Variants in EPHA6 observed in about 807,000 individuals in gnomAD.
EPHA6 encodes the protein EPH receptor A6, also known as ephrin type-A receptor 6.
EPHA6 carries 50 observed loss-of-function variants against 112.0 expected under a neutral mutation model. The ratio of observed to expected loss-of-function variants is 0.45; its 90% CI spans 0.36 to 0.56. The LOEUF (loss-of-function observed/expected upper bound fraction) is 0.56, where lower values mean the gene tolerates loss of function less well. EPHA6 is among the 20% of genes least tolerant of loss of function. The probability of loss-of-function intolerance (pLI) is 0.00; values close to 1 mark genes in which losing one functional copy is unlikely to be tolerated. For missense variants in EPHA6, 1,280 were observed against 1,417.4 expected, an observed-to-expected ratio of 0.90 and a Z score of 1.56; for synonymous variants, 529 against 490.7, an observed-to-expected ratio of 1.08 and a Z score of -1.03.
intron 6 of EPHA6, among the ~76,000 whole-genome samples, chr3:97,415,942 C>A (rs2088088657): frequency 6.6e-6 from 1 of 151,926 alleles, no homozygotes; most frequent in Non-Finnish European, 1.5e-5. Flanking sequence ...AGAAAAAAAT[C>A]TAATTTTGTA....
chr3:97,047,954 CTACTT>C (rs1310377889), intron 3 of EPHA6, among the ~76,000 whole-genome samples: 4 of 152,038 alleles, frequency 2.6e-5, no homozygotes, highest in Admixed American at 2.6e-4. Context: ...GGATCAATGT[CTACTT>C]TAATAGAATT....
intron 2 of EPHA6, among the ~76,000 whole-genome samples, chr3:96,908,951 A>C (rs902862357): frequency 7.2e-5 from 11 of 151,926 alleles, no homozygotes; most frequent in African/African-American, 2.7e-4. Flanking sequence ...TTTGTAAAGT[A>C]ATTGAAGCAG....
intron 2 of EPHA6, among the ~76,000 whole-genome samples, chr3:96,959,251 A>G (rs542382948): frequency 3.3e-5 from 5 of 152,116 alleles, no homozygotes; most frequent in Non-Finnish European, 7.4e-5. Context: ...GTGTTTCCCT[A>G]ATGGCTAATG....
intron 3 of EPHA6, among the ~76,000 whole-genome samples, chr3:97,187,733 GAAAGAAA>G (rs2077191318): frequency 6.8e-6 from 1 of 147,642 alleles, no homozygotes; most frequent in South Asian, 2.2e-4. Context: ...AAGAAAGAAA[GAAAGAAA>G]GAAAGAGGAA....
At chr3:97,481,518 GC>G (rs1376144649) in intron 9 of EPHA6, 1 of 935,522 alleles carries the variant, frequency 1.1e-6, no homozygotes, top group Non-Finnish European at 1.7e-6. Flanking sequence ...CCGGCGCGGG[GC>G]TAAGTGCAGG....
At chr3:97,637,471 C>T (rs1222584615) in intron 13 of EPHA6, among the ~76,000 whole-genome samples, 1 of 152,068 alleles carries the variant, frequency 6.6e-6, no homozygotes, top group Non-Finnish European at 1.5e-5. Context: ...GGTTTTGCTG[C>T]CCTTCTACCC....
chr3:97,349,697 G>T (rs1304530440), intron 5 of EPHA6, among the ~76,000 whole-genome samples: 1 of 151,948 alleles, frequency 6.6e-6, no homozygotes, highest in Non-Finnish European at 1.5e-5. Context: ...GCAGCAATGT[G>T]CCTGGATCCA....
chr3:97,122,743 T>C (rs552995508), intron 3 of EPHA6, among the ~76,000 whole-genome samples: 1 of 152,032 alleles, frequency 6.6e-6, no homozygotes, highest in Non-Finnish European at 1.5e-5. Flanking sequence ...GTTAATTGTA[T>C]AGAATTCTTT....
intron 6 of EPHA6, among the ~76,000 whole-genome samples, chr3:97,407,351 C>A (rs1474269553): frequency 6.7e-6 from 1 of 150,146 alleles, no homozygotes; most frequent in Non-Finnish European, 1.5e-5. Flanking sequence ...AAATTAAACA[C>A]ACACACACAC....
chr3:97,161,677 A>C (rs2076418993), intron 3 of EPHA6, among the ~76,000 whole-genome samples: 1 of 151,984 alleles, frequency 6.6e-6, no homozygotes, highest in Non-Finnish European at 1.5e-5. Flanking sequence ...CTTAGAAGGG[A>C]TATCTTGATA....
chr3:97,537,813 A>G (rs1045858430), intron 11 of EPHA6, among the ~76,000 whole-genome samples: 5 of 152,100 alleles, frequency 3.3e-5, no homozygotes, highest in African/African-American at 9.7e-5. Flanking sequence ...TCCCAACCTC[A>G]AGTGATCCAC....
intron 3 of EPHA6, among the ~76,000 whole-genome samples, chr3:97,221,160 G>A (rs1394671077): frequency 1.3e-5 from 2 of 151,486 alleles, no homozygotes; most frequent in African/African-American, 4.9e-5. Context: ...TAAAAATGCA[G>A]AAATTAGATG....
intron 3 of EPHA6, among the ~76,000 whole-genome samples, chr3:97,132,482 G>A (rs2075657106): frequency 6.6e-6 from 1 of 152,006 alleles, no homozygotes; most frequent in East Asian, 1.9e-4. Flanking sequence ...GAAGTCCTGT[G>A]TTAGTAAAGT....
At chr3:97,054,064 C>G (rs775778396) in intron 3 of EPHA6, among the ~76,000 whole-genome samples, 10 of 151,696 alleles carry the variant, frequency 6.6e-5, no homozygotes, top group Non-Finnish European at 1.5e-4. Context: ...TAACCAACAC[C>G]TAGGGGGCTT....
chr3:97,517,656 A>G (rs1364037665), intron 10 of EPHA6, among the ~76,000 whole-genome samples: 2 of 152,114 alleles, frequency 1.3e-5, no homozygotes, highest in Non-Finnish European at 2.9e-5. Flanking sequence ...TATTTATTAC[A>G]GTTACCATTC....
chr3:97,409,599 C>A (rs1316950994), intron 6 of EPHA6, among the ~76,000 whole-genome samples: 1 of 152,144 alleles, frequency 6.6e-6, no homozygotes, highest in East Asian at 1.9e-4. Context: ...CACTTCATTA[C>A]TCTCTCATGT....
intron 5 of EPHA6, among the ~76,000 whole-genome samples, chr3:97,282,348 G>A (rs987788433): frequency 3.3e-5 from 5 of 152,136 alleles, no homozygotes; most frequent in African/African-American, 1.2e-4. Flanking sequence ...AGATGCCGGC[G>A]AGGCTGTGGA....
chr3:97,206,892 A>G (rs772147221), intron 3 of EPHA6, among the ~76,000 whole-genome samples: 4 of 152,132 alleles, frequency 2.6e-5, no homozygotes, highest in Admixed American at 6.6e-5. Context: ...AGTTCTTGCA[A>G]TAACTGTTAT....
intron 3 of EPHA6, among the ~76,000 whole-genome samples, chr3:97,084,136 A>C (rs2046819675): frequency 7.6e-6 from 1 of 132,366 alleles, no homozygotes. Flanking sequence ...ATATATATCC[A>C]TGCACACACA....
Sources: allele counts gnomAD v4.1 joint callset (sites outside exome capture counted in the v4.1 genomes callset), GRCh38; gene constraint gnomAD v4.1.1; transcripts MANE v1.5; gene names NCBI Gene and HGNC (gene_info 2026-07-23, HGNC 2026-07-21).